Variants in NELL1 observed in about 807,000 individuals in gnomAD.
NELL1 encodes the protein neural EGFL like 1, also known as protein kinase C-binding protein NELL1.
A neutral mutation model predicts 107.4 loss-of-function variants in NELL1; 76 were observed. The observed-to-expected ratio is 0.71, with a 90% CI of 0.59 to 0.86. The LOEUF is 0.86. NELL1 is among the 40% of genes least tolerant of loss of function. The pLI, the probability that NELL1 is intolerant of heterozygous loss-of-function variation, is 0.00. For missense variants in NELL1, 1,024 were observed against 1,005.5 expected (o/e 1.02, Z -0.25); for synonymous variants, 353 against 341.2 (o/e 1.03, Z -0.38).
intron 5 of NELL1, among the ~76,000 whole-genome samples, chr11:20,907,762 G>C (rs555131889): frequency 6.6e-6 from 1 of 152,150 alleles, no homozygotes. Context: ...ACTATCATCA[G>C]AGTGAACAGG....
chr11:21,146,037 T>C (rs1855970758), intron 13 of NELL1, among the ~76,000 whole-genome samples: 2 of 152,084 alleles, frequency 1.3e-5, no homozygotes, highest in Non-Finnish European at 2.9e-5. Context: ...ACAATATAAG[T>C]GAAGGAAGCT....
intron 14 of NELL1, among the ~76,000 whole-genome samples, chr11:21,347,887 A>T (rs954103561): frequency 6.6e-6 from 1 of 152,122 alleles, no homozygotes; most frequent in Non-Finnish European, 1.5e-5. Flanking sequence ...CAAGGGACCA[A>T]ATTGTGTCCA....
At chr11:21,196,136 T>C (rs7115151) in intron 13 of NELL1, among the ~76,000 whole-genome samples, 8,482 of 152,216 alleles carry the variant, frequency 0.056, 769 homozygotes, top group African/African-American at 0.19. Flanking sequence ...GAGGTTGGAC[T>C]TAGTGTTGCT....
intron 14 of NELL1, among the ~76,000 whole-genome samples, chr11:21,295,630 G>C (rs938463952): frequency 2.6e-5 from 4 of 152,000 alleles, no homozygotes; most frequent in African/African-American, 4.8e-5. Flanking sequence ...GGCTCAGTTG[G>C]GAATACGCAT....
At chr11:20,677,797 C>A in intron 1 of NELL1, 135 bp from the exon 2 acceptor site, 1 of 985,138 alleles carries the variant, frequency 1.0e-6, no homozygotes, top group Non-Finnish European at 1.5e-6. Context: ...CTTTTCTTTT[C>A]CCTCCATAGA....
chr11:21,229,489 G>A, intron 14 of NELL1, 35 bp downstream of exon 14: 1 of 1,612,038 alleles, frequency 6.2e-7, no homozygotes, highest in Non-Finnish European at 8.5e-7. Flanking sequence ...GTTGTGAGCA[G>A]CCATTCTGCC....
intron 15 of NELL1, among the ~76,000 whole-genome samples, chr11:21,430,594 G>A (rs993350880): frequency 1.3e-5 from 2 of 152,060 alleles, no homozygotes; most frequent in South Asian, 2.1e-4. Context: ...CCTCAGATAC[G>A]CATTTAATCC....
intron 13 of NELL1, among the ~76,000 whole-genome samples, chr11:21,125,642 T>C (rs1855470764): frequency 6.6e-6 from 1 of 152,182 alleles, no homozygotes; most frequent in East Asian, 1.9e-4. Flanking sequence ...AGAGCATTGG[T>C]ACTGGGAGAA....
intron 2 of NELL1, among the ~76,000 whole-genome samples, chr11:20,710,219 T>C (rs978703598): frequency 1.3e-5 from 2 of 152,212 alleles, no homozygotes; most frequent in Non-Finnish European, 2.9e-5. Flanking sequence ...CCTTGAGGTA[T>C]GTCCCTTCTA....
At chr11:21,120,289 C>G (rs1211040682) in intron 13 of NELL1, among the ~76,000 whole-genome samples, 1 of 152,098 alleles carries the variant, frequency 6.6e-6, no homozygotes, top group East Asian at 1.9e-4. Context: ...CTGGAATATG[C>G]TTTACTCCCA....
Position 21,169,844 on chromosome 11 carries a change from C to G in NELL1, c.1426+56130C>G, listed in dbSNP as rs1856564424. The G allele has an allele frequency of 5.7e-6, 8 of 1,414,242 alleles. No individual in the cohort carries two copies. In the Middle Eastern group the frequency reaches 7.1e-4, roughly 126 times the overall value. The allele number at this position is 1,414,242 out of a possible 1,614,324, so 87.6% of individuals were successfully genotyped here. Reference sequence around the variant, plus strand: ...TGAGCCCGATGCAAGTGCTTGCACCCCAGAGTCCCCCCAGGAAGAGTTGCC... The same window carrying G: ...TGAGCCCGATGCAAGTGCTTGCACCGCAGAGTCCCCCCAGGAAGAGTTGCC... On this transcript the variant is annotated intron_variant, in intron 13 of 19. Transcript: ENST00000357134.
chr11:21,337,838 T>TGCTTTCC (rs1565175613), intron 14 of NELL1, among the ~76,000 whole-genome samples: 1 of 3,606 alleles, frequency 2.8e-4, no homozygotes, highest in Non-Finnish European at 8.9e-4. Context: ...CTTTCTTTCT[T>TGCTTTCC]TTCTTTCTTT....
At position 21,455,504 on chromosome 11, in the gene NELL1, A is replaced by G. The variant is rs115758082; in HGVS notation, c.1646-78870A>G. ...ATGTCACCACACTTGGTTAATTTTT[A>G]AAATGTTTTTGTATAGACAGAGTTT... On this transcript the variant is annotated intron_variant, in intron 15 of 19. Coordinates refer to ENST00000357134, the MANE Select transcript of NELL1 (RefSeq NM_006157.5). Among the ~76,000 whole-genome samples the G allele has an allele frequency of 5.1e-3, 774 of 151,304 alleles. 6 individuals carry two copies. The highest frequency in any genetic ancestry group is 0.016 in the African/African-American group (677 of 41,282).
chr11:20,973,959 C>G (rs1320194596), intron 12 of NELL1, among the ~76,000 whole-genome samples: 1 of 152,150 alleles, frequency 6.6e-6, no homozygotes, highest in South Asian at 2.1e-4. Flanking sequence ...TTATAGTTCA[C>G]GTGTTGATGC....
chr11:21,091,830 A>G (rs1427208974), intron 12 of NELL1, among the ~76,000 whole-genome samples: 2 of 152,248 alleles, frequency 1.3e-5, no homozygotes, highest in African/African-American at 4.8e-5. Context: ...TGAACTTTAC[A>G]GAATTTAACT....
intron 2 of NELL1, among the ~76,000 whole-genome samples, chr11:20,780,218 C>A (rs1856826837): frequency 6.6e-6 from 1 of 152,052 alleles, no homozygotes; most frequent in African/African-American, 2.4e-5. Context: ...ATTGAGTGAG[C>A]AGAAGTTTGG....
At chr11:21,343,097 G>A (rs1474307279) in intron 14 of NELL1, among the ~76,000 whole-genome samples, 1 of 151,932 alleles carries the variant, frequency 6.6e-6, no homozygotes, top group African/African-American at 2.4e-5. Context: ...AATAGATACT[G>A]CTCTTTGCAC....
chr11:20,714,168 CCT>C (rs1296802837), intron 2 of NELL1, among the ~76,000 whole-genome samples: 2 of 149,708 alleles, frequency 1.3e-5, no homozygotes, highest in African/African-American at 2.5e-5. Flanking sequence ...AGCTACCTCC[CCT>C]GTCTCCTATC....
intron 2 of NELL1, among the ~76,000 whole-genome samples, chr11:20,760,643 G>A (rs114586051): frequency 0.017 from 2,530 of 152,282 alleles, 32 homozygotes; most frequent in Middle Eastern, 0.024. Context: ...GGTGATGGAT[G>A]TCAGCTCCTA....
Sources: gnomAD v4.1 joint callset for allele counts (sites outside exome capture counted in the v4.1 genomes callset) on GRCh38, gnomAD v4.1.1 for gene constraint, MANE v1.5 for transcripts, NCBI Gene and HGNC (gene_info 2026-07-23, HGNC 2026-07-21) for gene names.